The following PLXNA1 variants were observed in gnomAD, a reference collection of about 807,000 sequenced individuals.
PLXNA1 encodes plexin A1, also known as plexin-A1.
Under a neutral mutation model 191.7 loss-of-function variants are expected in PLXNA1, and 77 were observed. That is an observed-to-expected ratio of 0.40 (90% CI 0.33 to 0.49). The LOEUF (loss-of-function observed/expected upper bound fraction) is 0.49. PLXNA1 is among the 20% of genes least tolerant of loss of function. PLXNA1 has a pLI of 0.63. For missense variants in PLXNA1, 2,110 were observed against 2,660.2 expected (o/e 0.79, Z 4.55); for synonymous variants, 1,137 against 1,156.4 (o/e 0.98, Z 0.34).
intron 20 of PLXNA1, among the ~76,000 whole-genome samples, chr3:127,019,967 A>T (rs949852694): frequency 6.6e-6 from 1 of 152,204 alleles, no homozygotes; most frequent in African/African-American, 2.4e-5. Flanking sequence ...CCTGGTGCTG[A>T]TGCTTTCTCT....
At chr3:127,024,154 T>G (rs1206361689) in intron 23 of PLXNA1, among the ~76,000 whole-genome samples, 1 of 151,860 alleles carries the variant, frequency 6.6e-6, no homozygotes, top group Admixed American at 6.6e-5. Context: ...CTGGGTGAGG[T>G]GGAGAGGGCA....
chr3:126,991,662 G>A (rs1018815304), intron 3 of PLXNA1, 96 bp downstream of exon 3: 1 of 1,305,688 alleles, frequency 7.7e-7, no homozygotes, highest in Non-Finnish European at 1.0e-6. Flanking sequence ...GCTGTATGCT[G>A]TGGGAGGCTA....
At chr3:127,031,105 C>T (rs998589776) in intron 29 of PLXNA1, among the ~76,000 whole-genome samples, 3 of 152,208 alleles carry the variant, frequency 2.0e-5, no homozygotes, top group Non-Finnish European at 4.4e-5. Context: ...TGACCTGCTT[C>T]TTCCCTGGTC....
intron 23 of PLXNA1, among the ~76,000 whole-genome samples, chr3:127,023,261 C>T (rs544324778): frequency 6.6e-6 from 1 of 152,224 alleles, no homozygotes; most frequent in Non-Finnish European, 1.5e-5. Context: ...AGGATGCTGC[C>T]GTCCTCAGAA....
intron 3 of PLXNA1, among the ~76,000 whole-genome samples, chr3:126,996,856 C>T (rs764264235): frequency 2.3e-4 from 35 of 152,214 alleles, no homozygotes; most frequent in Non-Finnish European, 5.9e-5. Context: ...AGCCCACTCC[C>T]GAGCCTGCAG....
Position 127,015,292 on chromosome 3 carries a change from G to A in PLXNA1, c.2986G>A (p.Val996Ile), listed in dbSNP as rs757957919. 3.7e-6 allele frequency: 6 copies of A among 1,609,634 alleles called. No individual in the cohort carries two copies. Among genetic ancestry groups the A allele is most frequent in the Non-Finnish European group, 5.1e-6 (6 of 1,179,218 alleles). ...CGCAGGCAGTGATGTGGCTGTGTCG[G>A]TCGGTGGCCGGCCCTGCTCCTTCTC... is the stretch of plus-strand genomic sequence containing the variant. Reference protein sequence around the residue: ...LNAGSDVAVSVGGRPCSFSWR... With the variant: ...LNAGSDVAVSIGGRPCSFSWR... Residue 996 changes from valine (V) to isoleucine (I), a missense_variant, in exon 15 of 32, where the codon GTC becomes ATC. By Grantham distance (29) the Val-to-Ile change is conservative. Coordinates refer to ENST00000393409, the MANE Select transcript of PLXNA1 (RefSeq NM_032242.4).
At chr3:127,015,076 C>T in intron 14 of PLXNA1, 108 bp from the exon 15 acceptor site, 1 of 1,476,370 alleles carries the variant, frequency 6.8e-7, no homozygotes, top group Non-Finnish European at 9.1e-7. Flanking sequence ...ATGCGGGCTC[C>T]TAGTCTGGGG....
At chr3:127,028,829 AG>A in intron 25 of PLXNA1, 163 bp from the exon 26 acceptor site, 1 of 609,494 alleles carries the variant, frequency 1.6e-6, no homozygotes. Flanking sequence ...GGCACATTGC[AG>A]GGGACTATGG....
chr3:127,029,815 G>T (rs1020191543), intron 27 of PLXNA1, 59 bp from the exon 28 acceptor site: 2 of 1,481,922 alleles, frequency 1.3e-6, no homozygotes, highest in Non-Finnish European at 1.8e-6. Flanking sequence ...GGGGAAACAG[G>T]CTCGGGCGGG....
intron 25 of PLXNA1, chr3:127,028,781 C>T (rs2079190026): frequency 3.4e-6 from 2 of 589,698 alleles, no homozygotes; most frequent in East Asian, 5.7e-5. Context: ...GGCAGACCCC[C>T]TTAGGCTGGG....
intron 9 of PLXNA1, among the ~76,000 whole-genome samples, chr3:127,009,205 A>C (rs2079083788): frequency 6.6e-6 from 1 of 152,068 alleles, no homozygotes; most frequent in Admixed American, 6.5e-5. Context: ...CAGGGGTGGT[A>C]GCAGGGCCCT....
chr3:127,025,543 C>T (rs1366653620), intron 23 of PLXNA1, among the ~76,000 whole-genome samples: 1 of 152,182 alleles, frequency 6.6e-6, no homozygotes. Flanking sequence ...GCCATGGCCA[C>T]CTGCTCCATG....
intron 18 of PLXNA1, 29 bp from the exon 19 acceptor site, chr3:127,017,720 G>A: frequency 6.2e-7 from 1 of 1,613,196 alleles, no homozygotes; most frequent in Non-Finnish European, 8.5e-7. Flanking sequence ...CCCTCGTCCT[G>A]GGCTCTGGCT....
At chr3:127,014,874 T>C in intron 14 of PLXNA1, 43 bp downstream of exon 14, 2 of 1,595,352 alleles carry the variant, frequency 1.3e-6, no homozygotes, top group Non-Finnish European at 1.7e-6. Flanking sequence ...TCTGCTGCTC[T>C]GAGAGGGTGC....
At chr3:127,017,712 C>T in intron 18 of PLXNA1, 37 bp from the exon 19 acceptor site, 1 of 1,613,156 alleles carries the variant, frequency 6.2e-7, no homozygotes, top group Non-Finnish European at 8.5e-7. Flanking sequence ...GAAGAGGCCC[C>T]TCGTCCTGGG....
Position 126,989,412 on chromosome 3 carries a change from C to A in PLXNA1, c.819C>A (p.Ala273=). 2 of 1,613,550 alleles carry A rather than the reference C, an allele frequency of 1.2e-6. No homozygotes were observed. Among genetic ancestry groups the A allele is most frequent in the South Asian group, 2.2e-5 (2 of 91,082 alleles). ...LDTQLTSPDA[A]GEHFFTSKIV... is the part of the protein sequence containing the mutation. Reference sequence around the variant, plus strand: ...CACAGCTGACCTCGCCTGATGCCGCCGGCGAGCACTTCTTCACGTCCAAGA... The same window carrying A: ...CACAGCTGACCTCGCCTGATGCCGCAGGCGAGCACTTCTTCACGTCCAAGA... The change falls in exon 2 of 32, where the codon GCC becomes GCA. Residue 273 remains alanine, a synonymous_variant. Coordinates refer to ENST00000393409, the MANE Select transcript of PLXNA1 (RefSeq NM_032242.4).
intron 9 of PLXNA1, among the ~76,000 whole-genome samples, chr3:127,011,476 C>T (rs1016354041): frequency 3.3e-5 from 5 of 152,350 alleles, no homozygotes; most frequent in African/African-American, 1.2e-4. Flanking sequence ...TCTCAGTGTT[C>T]CCGAGGGGCC....
Position 127,029,364 on chromosome 3 carries a change from C to T in PLXNA1, c.4774-76C>T. 3 of 1,422,862 alleles carry T rather than the reference C, an allele frequency of 2.1e-6. No individual in the cohort carries two copies. In the South Asian group the frequency reaches 3.4e-5, roughly 16 times the overall value. The allele number at this position is 1,422,862 out of a possible 1,614,324, so 88.1% of individuals were successfully genotyped here. A position where few individuals can be genotyped will look rare whatever the true frequency, so the allele number is the denominator to read the frequency against. ...ACAGCACTAGGGTGTCACCGGGGTC[C>T]CCAGCCGGGGAGTGGGAGCCTGGTG... On this transcript the variant is annotated intron_variant, in intron 26 of 31. Transcript: ENST00000393409.
At chr3:127,018,667 G>A in intron 20 of PLXNA1, 139 bp downstream of exon 20, 1 of 729,890 alleles carries the variant, frequency 1.4e-6, no homozygotes. Context: ...TGCTGTGCCA[G>A]AGCTGGTCCC....
Sources: allele counts gnomAD v4.1 joint callset (sites outside exome capture counted in the v4.1 genomes callset), GRCh38; gene constraint gnomAD v4.1.1; transcripts MANE v1.5; gene names NCBI Gene and HGNC (gene_info 2026-07-23, HGNC 2026-07-21).